EFCAB6: variants seen among roughly 807,000 people sequenced by gnomAD.
The protein encoded by EFCAB6 is EF-hand calcium binding domain 6.
In EFCAB6, 156 loss-of-function variants were observed where a neutral mutation model predicts 169.8. The observed-to-expected ratio is 0.92, with a 90% CI of 0.81 to 1.05. EFCAB6 has a LOEUF of 1.05. Ranked by LOEUF, EFCAB6 falls within the 50% of genes least tolerant of loss-of-function variation. EFCAB6 has a pLI of 0.00. For synonymous variants in EFCAB6, 698 were observed against 676.4 expected, an observed-to-expected ratio of 1.03 and a Z score of -0.50; for missense variants, 1,800 against 1,829.1, an observed-to-expected ratio of 0.98 and a Z score of 0.29.
chr22:43,734,010 C>A (rs552125574), intron 7 of EFCAB6, among the ~76,000 whole-genome samples: 2 of 152,202 alleles, frequency 1.3e-5, no homozygotes, highest in African/African-American at 2.4e-5. Flanking sequence ...CCCGGCCAGT[C>A]CCCATTTCTT....
At chr22:43,778,727 C>A (rs969987513) in intron 3 of EFCAB6, among the ~76,000 whole-genome samples, 1 of 152,168 alleles carries the variant, frequency 6.6e-6, no homozygotes, top group Non-Finnish European at 1.5e-5. Flanking sequence ...AGGGGTAACC[C>A]AAATTTAACT....
rs532623992 is a variant in EFCAB6 at position 43,629,015 on chromosome 22, C to G, written c.2233-2336G>C. On this transcript the variant is annotated intron_variant, in intron 19 of 31. Coordinates refer to ENST00000262726, the MANE Select transcript of EFCAB6 (RefSeq NM_022785.4). ...AAGCACTCTGCTGGGTACACAGACA[C>G]CATAACTGCAACGTGGGCCCTGACA... Among the ~76,000 whole-genome samples, 8 of 152,310 alleles carry G rather than the reference C, an allele frequency of 5.3e-5. No homozygotes were observed. In the East Asian group the frequency reaches 1.5e-3, roughly 29 times the overall value.
intron 6 of EFCAB6, among the ~76,000 whole-genome samples, chr22:43,754,657 G>A (rs1457671883): frequency 6.6e-6 from 1 of 152,148 alleles, no homozygotes; most frequent in Admixed American, 6.6e-5. Flanking sequence ...GCTCACCACA[G>A]CCTTATTTTG....
intron 12 of EFCAB6, among the ~76,000 whole-genome samples, chr22:43,681,202 A>T (rs2057993934): frequency 6.6e-6 from 1 of 152,212 alleles, no homozygotes; most frequent in African/African-American, 2.4e-5. Flanking sequence ...CTGTTTTTGC[A>T]TCTATTGAGA....
rs1308199194 is a variant in EFCAB6 at position 43,615,907 on chromosome 22, A to C, written c.2481T>G (p.Val827=). 1.2e-6 allele frequency: 2 copies of C among 1,613,302 alleles called. No individual in the cohort carries two copies. The highest frequency in any genetic ancestry group is 4.5e-5 in the East Asian group (2 of 44,874). Residue 827 remains valine, a synonymous_variant, in exon 21 of 32, where the codon GTT becomes GTG. Coordinates refer to ENST00000262726, the MANE Select transcript of EFCAB6 (RefSeq NM_022785.4). ...GCTCACAAGCTAGTTCTGAATCCGC[A>C]ACCTTCTGTTTTGGTCTTAAAAGAA... ...PQRLIRPKQK[V]ADSELACEQA...
intron 7 of EFCAB6, among the ~76,000 whole-genome samples, chr22:43,733,395 C>T (rs1209286597): frequency 6.6e-6 from 1 of 152,212 alleles, no homozygotes. Flanking sequence ...CTATATCAAA[C>T]ACACTGGCCT....
chr22:43,665,311 G>T (rs1041327554), intron 17 of EFCAB6, among the ~76,000 whole-genome samples: 2 of 152,120 alleles, frequency 1.3e-5, no homozygotes, highest in African/African-American at 4.8e-5. Context: ...ACCCAAAGTT[G>T]TTCTCAGGTG....
intron 7 of EFCAB6, among the ~76,000 whole-genome samples, chr22:43,733,847 T>G (rs1447724679): frequency 2.0e-5 from 3 of 152,180 alleles, no homozygotes; most frequent in Non-Finnish European, 2.9e-5. Context: ...TAGCTGGGAC[T>G]ACAGGTGTGC....
chr22:43,774,473 G>A lies in EFCAB6; in HGVS notation c.140-1370C>T, dbSNP rs114768551. On this transcript the variant is annotated intron_variant, in intron 3 of 31. Transcript: ENST00000262726. ...GCCACACAGGGACTGCGCTGCCATCGGCGATTCTCCCCCGACACCCACTGA... is the reference window on the plus strand; with the variant it reads ...GCCACACAGGGACTGCGCTGCCATCAGCGATTCTCCCCCGACACCCACTGA... 1.6e-3 allele frequency among the ~76,000 whole-genome samples: 247 copies of A among 151,684 alleles called. 1 individual carries two copies. The highest frequency in any genetic ancestry group is 5.3e-3 in the African/African-American group (221 of 41,372).
At chr22:43,595,283 A>G (rs12628610) in intron 23 of EFCAB6, among the ~76,000 whole-genome samples, 16,365 of 152,134 alleles carry the variant, frequency 0.11, 1,196 homozygotes, top group South Asian at 0.21. Context: ...CAGAGCATAA[A>G]TAAATAAAAT....
chr22:43,598,635 T>G (rs567674309), intron 23 of EFCAB6, among the ~76,000 whole-genome samples: 26 of 152,306 alleles, frequency 1.7e-4, no homozygotes, highest in African/African-American at 6.0e-4. Context: ...TAAAAATATC[T>G]AAAAGAGTAT....
At chr22:43,739,969 T>C (rs2060307800) in intron 6 of EFCAB6, among the ~76,000 whole-genome samples, 1 of 152,096 alleles carries the variant, frequency 6.6e-6, no homozygotes, top group African/African-American at 2.4e-5. Flanking sequence ...CACACCCGAC[T>C]GGCTCCTGGC....
chr22:43,628,442 C>T lies in EFCAB6; in HGVS notation c.2233-1763G>A, dbSNP rs552745460. ...CCTCGTGATGGCTCCCAGCTGCCAT[C>T]GTCGGCTCCGTGGCCTCTGCTCTGT... On this transcript the variant is annotated intron_variant, in intron 19 of 31. Coordinates refer to ENST00000262726, the MANE Select transcript of EFCAB6 (RefSeq NM_022785.4). This position sits in a 1 kb window ranked among gnomAD's most constrained non-coding sequence, Gnocchi z 4.8. 1.4e-3 allele frequency among the ~76,000 whole-genome samples: 218 copies of T among 152,278 alleles called. No homozygotes were observed. The highest frequency in any genetic ancestry group is 5.1e-3 in the African/African-American group (212 of 41,544).
At chr22:43,784,192 A>C (rs1019820516) in intron 2 of EFCAB6, among the ~76,000 whole-genome samples, 4 of 152,210 alleles carry the variant, frequency 2.6e-5, no homozygotes, top group African/African-American at 9.6e-5. Context: ...GTAGAGTGAA[A>C]TATTTAACGT....
chr22:43,707,268 C>T (rs923323280), intron 10 of EFCAB6, among the ~76,000 whole-genome samples: 9 of 152,192 alleles, frequency 5.9e-5, no homozygotes, highest in Admixed American at 3.9e-4. Context: ...ATATAAAAGA[C>T]AGTTTAAGAG....
At chr22:43,534,253 G>C (rs1334816455) in intron 30 of EFCAB6, among the ~76,000 whole-genome samples, 1 of 152,138 alleles carries the variant, frequency 6.6e-6, no homozygotes, top group Non-Finnish European at 1.5e-5. Context: ...AAAAGTATTT[G>C]GCAGTTCCCA....
Position 43,536,409 on chromosome 22 carries a change from A to G in EFCAB6, c.4048+968T>C, listed in dbSNP as rs988075150. 8 of 152,232 alleles carry G rather than the reference A, an allele frequency of 5.3e-5. No individual in the cohort carries two copies. The East Asian group carries it at 1.5e-3, about 29-fold the overall frequency. 9.4% of individuals were successfully genotyped at this position (152,232 alleles called of 1,614,324 possible). A position where few individuals can be genotyped will look rare whatever the true frequency, so the allele number is the denominator to read the frequency against. ...GTCATGATTATGATAAAAGTAATTT[A>G]TATTAATATTGGAGGCTCTCAAAGA... On this transcript the variant is annotated intron_variant, in intron 29 of 31. Coordinates refer to ENST00000262726, the MANE Select transcript of EFCAB6 (RefSeq NM_022785.4).
In EFCAB6 at chr22:43,785,531, T is replaced by C. The variant is rs546901822; in HGVS notation, c.-7-3206A>G. Among the ~76,000 whole-genome samples, 22 of 151,496 alleles carry C rather than the reference T, an allele frequency of 1.5e-4. 1 individual carries two copies. Among genetic ancestry groups the C allele is most frequent in the African/African-American group, 4.3e-4 (18 of 41,518 alleles). ...AAAACAGTGCTTAGATGAAAATTTGTAGATGTTAATGCCTATATTTTAAAA... is the reference window on the plus strand; with the variant it reads ...AAAACAGTGCTTAGATGAAAATTTGCAGATGTTAATGCCTATATTTTAAAA... On this transcript the variant is annotated intron_variant, in intron 2 of 31. Coordinates refer to ENST00000262726, the MANE Select transcript of EFCAB6 (RefSeq NM_022785.4).
At chr22:43,669,348 T>C (rs2057389305) in intron 15 of EFCAB6, among the ~76,000 whole-genome samples, 1 of 152,178 alleles carries the variant, frequency 6.6e-6, no homozygotes, top group South Asian at 2.1e-4. Flanking sequence ...ATACACAAAC[T>C]ATGGTAAACC....
Sources: allele counts gnomAD v4.1 joint callset (sites outside exome capture counted in the v4.1 genomes callset), GRCh38; gene constraint gnomAD v4.1.1; non-coding constraint Gnocchi (gnomAD v3.1); transcripts MANE v1.5; gene names NCBI Gene and HGNC (gene_info 2026-07-23, HGNC 2026-07-21).